Variants in MEF2B observed in about 807,000 individuals in gnomAD.
MEF2B encodes myocyte-specific enhancer factor 2B.
A neutral mutation model predicts 32.2 loss-of-function variants in MEF2B; 15 were observed. The ratio of observed to expected loss-of-function variants is 0.47; its 90% CI spans 0.31 to 0.72. The LOEUF (loss-of-function observed/expected upper bound fraction) is 0.72, where lower values mean the gene tolerates loss of function less well. Ranked by LOEUF, MEF2B falls within the 30% of genes least tolerant of loss-of-function variation. MEF2B has a pLI of 0.05. For missense variants in MEF2B, 441 were observed against 511.5 expected, an observed-to-expected ratio of 0.86 and a Z score of 1.33; for synonymous variants, 205 against 225.6, an observed-to-expected ratio of 0.91 and a Z score of 0.82.
intron 1 of MEF2B, among the ~76,000 whole-genome samples, chr19:19,167,556 C>T (rs2060219620): frequency 6.6e-6 from 1 of 151,692 alleles, no homozygotes; most frequent in African/African-American, 2.4e-5. Flanking sequence ...AGAAAGAAAC[C>T]TCTTCCAGAA....
chr19:19,161,382 C>T (rs11880550), intron 1 of MEF2B, among the ~76,000 whole-genome samples: 46,001 of 151,726 alleles, frequency 0.3, 6,988 homozygotes, highest in Admixed American at 0.34. Flanking sequence ...AGAAAATCCA[C>T]AGATGCCCGA....
intron 1 of MEF2B, among the ~76,000 whole-genome samples, chr19:19,159,656 G>A (rs1473131558): frequency 6.6e-6 from 1 of 152,084 alleles, no homozygotes; most frequent in African/African-American, 2.4e-5. Flanking sequence ...AGGGGGAATT[G>A]GGAGGACAAA....
In MEF2B at chr19:19,147,058, T is replaced by C; in HGVS notation, c.519A>G (p.Ala173=). Residue 173 remains alanine (A), a synonymous_variant, in exon 5 of 9, where the codon GCA becomes GCG. Coordinates refer to ENST00000424583, the MANE Select transcript of MEF2B (RefSeq NM_001145785.2). ...AQSRPSPFRP[A]APKAGPPGLV... is the part of the protein sequence containing the mutation. The stretch of plus-strand genomic sequence containing the variant: ...CACCTGGGGGCCCGGCTTTGGGGGC[T>C]GCTGGTCGGAAGGGAGATGGGCGGC... The C allele has an allele frequency of 6.2e-7, 1 of 1,606,288 alleles. No individual in the cohort carries two copies. Among genetic ancestry groups the C allele is most frequent in the Non-Finnish European group, 8.5e-7 (1 of 1,177,144 alleles).
rs2060023948 is a variant in MEF2B at position 19,146,144 on chromosome 19, C to CCT, written c.882-124_882-123dup. ...CCTGGGAAAGGAGGGGGTGGCGGTC[C>CCT]CTCTTGGGGCCTCAAAATAGCTGCC... On this transcript the variant is annotated intron_variant, in intron 8 of 8. Coordinates refer to ENST00000424583, the MANE Select transcript of MEF2B (RefSeq NM_001145785.2). 5.4e-6 allele frequency: 5 copies of CCT among 918,168 alleles called. No individual in the cohort carries two copies. In the African/African-American group the frequency reaches 8.7e-5, roughly 16 times the overall value. The allele number at this position is 918,168 out of a possible 1,614,324, so 56.9% of individuals were successfully genotyped here. A position where few individuals can be genotyped will look rare whatever the true frequency, so the allele number is the denominator to read the frequency against.
intron 3 of MEF2B, among the ~76,000 whole-genome samples, chr19:19,148,819 C>T (rs1444484568): frequency 6.6e-6 from 1 of 151,924 alleles, no homozygotes; most frequent in African/African-American, 2.4e-5. Flanking sequence ...TCAAGCAATT[C>T]TCCTACTTCA....
At chr19:19,147,899 G>A in intron 3 of MEF2B, 67 bp from the exon 4 acceptor site, 1 of 1,560,490 alleles carries the variant, frequency 6.4e-7, no homozygotes, top group Non-Finnish European at 8.6e-7. Context: ...CAGTTCTATG[G>A]GAGAGGGGAC....
In MEF2B at chr19:19,146,562, G is replaced by C. The variant is rs768022242; in HGVS notation, c.762C>G (p.Gly254=). 1 of 1,566,222 alleles carries C rather than the reference G, an allele frequency of 6.4e-7. No individual in the cohort carries two copies. ...PLGSFPFLPG[G]PPEYGLGDPP... is the part of the protein sequence containing the mutation. ...GCAGGTTAGGGGATGTACCTGGGGG[G>C]CCTCCGGGGAGGAAGGGGAAGCTCC... is the stretch of plus-strand genomic sequence containing the variant. The change falls in exon 7 of 9, where the codon GGC becomes GGG. Residue 254 remains glycine (G), a synonymous_variant. Coordinates refer to ENST00000424583, the MANE Select transcript of MEF2B (RefSeq NM_001145785.2).
chr19:19,168,386 G>A (rs1214851561), intron 1 of MEF2B, among the ~76,000 whole-genome samples: 2 of 146,542 alleles, frequency 1.4e-5, no homozygotes, highest in Non-Finnish European at 3.0e-5. Context: ...CGATTCTCCT[G>A]CCTCAGCCTC....
chr19:19,151,147 G>C (rs775989834), intron 1 of MEF2B, among the ~76,000 whole-genome samples: 1 of 152,198 alleles, frequency 6.6e-6, no homozygotes, highest in Non-Finnish European at 1.5e-5. Context: ...CAGGTACTCC[G>C]GTGGCTGAAG....
At chr19:19,146,228 G>T in intron 8 of MEF2B, 45 bp downstream of exon 8, 1 of 923,022 alleles carries the variant, frequency 1.1e-6, no homozygotes, top group Non-Finnish European at 1.5e-6. Context: ...AGCAGCGGCC[G>T]GGGCTTTGGA....
intron 4 of MEF2B, 72 bp from the exon 5 acceptor site, chr19:19,147,255 CT>C: frequency 1.2e-6 from 1 of 845,584 alleles, no homozygotes. Context: ...GGAGAAAATC[CT>C]GATGAGTTCA....
intron 1 of MEF2B, among the ~76,000 whole-genome samples, chr19:19,163,971 A>G (rs2060187150): frequency 6.6e-6 from 1 of 151,804 alleles, no homozygotes; most frequent in African/African-American, 2.4e-5. Context: ...ACCCAGCCCT[A>G]CTTGTTTTTT....
chr19:19,149,138 C>T (rs952491177), intron 3 of MEF2B, 88 bp downstream of exon 3: 2 of 1,513,118 alleles, frequency 1.3e-6, no homozygotes, highest in Non-Finnish European at 1.8e-6. Context: ...TGAAGACACT[C>T]ATCTTTTGTG....
At chr19:19,167,958 G>A (rs1332723133) in intron 1 of MEF2B, among the ~76,000 whole-genome samples, 1 of 152,128 alleles carries the variant, frequency 6.6e-6, no homozygotes, top group Non-Finnish European at 1.5e-5. Flanking sequence ...TCTCTAAGAT[G>A]ACATCCCAAG....
chr19:19,161,758 G>A (rs2060165177), intron 1 of MEF2B, among the ~76,000 whole-genome samples: 1 of 141,166 alleles, frequency 7.1e-6, no homozygotes, highest in South Asian at 2.2e-4. Context: ...ACATAGGTAG[G>A]GCCCCCCCAT....
chr19:19,168,013 C>T (rs1327580215), intron 1 of MEF2B, among the ~76,000 whole-genome samples: 1 of 152,220 alleles, frequency 6.6e-6, no homozygotes, highest in Non-Finnish European at 1.5e-5. Context: ...CCAAGCTTCC[C>T]CCTTTACTGA....
rs1252200092 is a variant in MEF2B at position 19,145,637 on chromosome 19, C to T, written c.*160G>A. ...CAAATAGGAAGAAGGAAAGGAGCCC[C>T]CCAGGGTGGATTGAGTCCAGCCGCC... On this transcript the variant is annotated 3_prime_UTR_variant, in exon 9 of 9. Transcript: ENST00000424583. This position sits in a 1 kb window ranked among gnomAD's most constrained non-coding sequence, Gnocchi z 4.6. 2 of 1,499,560 alleles carry T rather than the reference C, an allele frequency of 1.3e-6. No individual in the cohort carries two copies. Among genetic ancestry groups the T allele is most frequent in the Non-Finnish European group, 1.8e-6 (2 of 1,115,464 alleles). The allele number at this position is 1,499,560 out of a possible 1,614,324, so 92.9% of individuals were successfully genotyped here. A position where few individuals can be genotyped will look rare whatever the true frequency, so the allele number is the denominator to read the frequency against.
At chr19:19,158,344 G>GACCTC in intron 1 of MEF2B, among the ~76,000 whole-genome samples, 1 of 147,226 alleles carries the variant, frequency 6.8e-6, no homozygotes, top group Non-Finnish European at 1.5e-5. Context: ...CACCTCAGGG[G>GACCTC]CCAAAGTGCT....
rs548077121 is a variant in MEF2B, at chr19:19,150,747, G to A, written c.-12C>T. 84 of 1,614,142 alleles carry A rather than the reference G, an allele frequency of 5.2e-5. 2 individuals are homozygous for A. The South Asian group carries it at 8.0e-4, about 15-fold the overall frequency. On this transcript the variant is annotated 5_prime_UTR_variant, in exon 2 of 9. Transcript: ENST00000424583. ...TTTTTCCTCCCCATCGTCCCAGGCT[G>A]AGTGGAATGATCTTTGTCTAGGAGG... is the stretch of plus-strand genomic sequence containing the variant.
Sources: gnomAD v4.1 joint callset for allele counts (sites outside exome capture counted in the v4.1 genomes callset) on GRCh38, gnomAD v4.1.1 for gene constraint, Gnocchi (gnomAD v3.1) non-coding constraint, MANE v1.5 for transcripts, NCBI Gene and HGNC (gene_info 2026-07-23, HGNC 2026-07-21) for gene names.